Variants in FAR2 observed in about 807,000 individuals in gnomAD.
FAR2 encodes the protein epididymis secretory protein Li 81.
In FAR2, 19 loss-of-function variants were observed where a neutral mutation model predicts 56.0. That is an observed-to-expected ratio of 0.34 (90% CI 0.24 to 0.50). The LOEUF (loss-of-function observed/expected upper bound fraction) is 0.50. FAR2 is among the 20% of genes least tolerant of loss of function. The probability of loss-of-function intolerance (pLI) is 0.98; values close to 1 mark genes in which losing one functional copy is unlikely to be tolerated. For synonymous variants in FAR2, 219 were observed against 218.8 expected, an observed-to-expected ratio of 1.00 and a Z score of -0.01; for missense variants, 508 against 642.2, an observed-to-expected ratio of 0.79 and a Z score of 2.26.
At chr12:29,188,790 TC>T (rs1293574022) in intron 1 of FAR2, among the ~76,000 whole-genome samples, 6 of 151,940 alleles carry the variant, frequency 3.9e-5, no homozygotes, top group African/African-American at 1.2e-4. Flanking sequence ...TTTTTTTTTT[TC>T]ATGACCCTGA....
chr12:29,183,192 C>G (rs1310196509), intron 1 of FAR2, among the ~76,000 whole-genome samples: 1 of 152,114 alleles, frequency 6.6e-6, no homozygotes, highest in East Asian at 1.9e-4. Flanking sequence ...CCTGGTTTTC[C>G]TCCTACCTCT....
At chr12:29,228,043 A>C (rs1385247440) in intron 1 of FAR2, among the ~76,000 whole-genome samples, 1 of 151,978 alleles carries the variant, frequency 6.6e-6, no homozygotes, top group African/African-American at 2.4e-5. Context: ...ATGATGAGTT[A>C]ATGGGTGCAG....
intron 4 of FAR2, among the ~76,000 whole-genome samples, chr12:29,299,898 C>T (rs907533745): frequency 2.0e-5 from 3 of 152,348 alleles, no homozygotes; most frequent in East Asian, 1.9e-4. Context: ...GGCTTAGGCA[C>T]CCTTCCCAAG....
intron 9 of FAR2, among the ~76,000 whole-genome samples, chr12:29,319,872 ATTG>A (rs2136809055): frequency 1.3e-5 from 2 of 152,298 alleles, no homozygotes; most frequent in African/African-American, 4.8e-5. Flanking sequence ...TGAATCAATC[ATTG>A]TTTTCCTTCA....
chr12:29,259,042 G>C (rs952712106), intron 1 of FAR2, among the ~76,000 whole-genome samples: 1 of 152,228 alleles, frequency 6.6e-6, no homozygotes, highest in African/African-American at 2.4e-5. Context: ...AGGAGGTCAT[G>C]TTTGTACTTA....
chr12:29,179,309 A>G (rs1949969880), intron 1 of FAR2, among the ~76,000 whole-genome samples: 1 of 152,200 alleles, frequency 6.6e-6, no homozygotes, highest in South Asian at 2.1e-4. Flanking sequence ...ACATCATGGG[A>G]GGAGGAAAGA....
intron 2 of FAR2, among the ~76,000 whole-genome samples, chr12:29,287,198 A>G (rs1948891929): frequency 6.6e-6 from 1 of 152,218 alleles, no homozygotes; most frequent in Non-Finnish European, 1.5e-5. Context: ...CTTCAGGGTC[A>G]GGACATAGGT....
intron 2 of FAR2, among the ~76,000 whole-genome samples, chr12:29,285,577 AGG>A (rs1948860917): frequency 6.6e-6 from 1 of 152,204 alleles, no homozygotes; most frequent in Admixed American, 6.5e-5. Context: ...GAAGGAGGGA[AGG>A]AAGGAAGGAA....
At chr12:29,264,983 C>G (rs944550943) in intron 1 of FAR2, among the ~76,000 whole-genome samples, 1 of 152,048 alleles carries the variant, frequency 6.6e-6, no homozygotes, top group Admixed American at 6.6e-5. Flanking sequence ...TAAAAGATCT[C>G]TACAATAAAA....
chr12:29,199,194 T>C (rs959454211), intron 1 of FAR2, among the ~76,000 whole-genome samples: 6 of 152,186 alleles, frequency 3.9e-5, no homozygotes, highest in African/African-American at 1.2e-4. Context: ...AGCTCACATA[T>C]GCCATAGTGT....
intron 1 of FAR2, among the ~76,000 whole-genome samples, chr12:29,150,591 G>T (rs928651665): frequency 6.6e-6 from 1 of 152,124 alleles, no homozygotes; most frequent in Non-Finnish European, 1.5e-5. Flanking sequence ...TAGAAAGGGG[G>T]GCAAGGGACT....
intron 1 of FAR2, among the ~76,000 whole-genome samples, chr12:29,241,528 A>G (rs1234363788): frequency 6.6e-6 from 1 of 151,840 alleles, no homozygotes; most frequent in African/African-American, 2.4e-5. Flanking sequence ...CCTTCCTCTT[A>G]TCTCTCCAGC....
At chr12:29,235,910 G>C (rs1349114988) in intron 1 of FAR2, among the ~76,000 whole-genome samples, 1 of 152,080 alleles carries the variant, frequency 6.6e-6, no homozygotes, top group Non-Finnish European at 1.5e-5. Context: ...GGAGGAGGGG[G>C]GAAGAAATAA....
intron 1 of FAR2, among the ~76,000 whole-genome samples, chr12:29,186,164 G>A (rs545523954): frequency 2.0e-5 from 3 of 152,204 alleles, no homozygotes; most frequent in African/African-American, 7.2e-5. Flanking sequence ...AATTATTAAT[G>A]AGATATTTTT....
At chr12:29,301,287 A>AGTT (rs1949160575) in intron 4 of FAR2, among the ~76,000 whole-genome samples, 1 of 152,134 alleles carries the variant, frequency 6.6e-6, no homozygotes, top group Admixed American at 6.5e-5. Context: ...TTATATCTGT[A>AGTT]GTTGTCTTCT....
At chr12:29,271,453 A>T (rs1232076097) in intron 2 of FAR2, among the ~76,000 whole-genome samples, 1 of 152,214 alleles carries the variant, frequency 6.6e-6, no homozygotes, top group Admixed American at 6.5e-5. Flanking sequence ...AAATGTACAT[A>T]TGTTGTTCAT....
intron 1 of FAR2, among the ~76,000 whole-genome samples, chr12:29,216,510 A>AT (rs1436270380): frequency 6.6e-6 from 1 of 152,152 alleles, no homozygotes; most frequent in Non-Finnish European, 1.5e-5. Context: ...GATCTATGTC[A>AT]TTTTAAGCCT....
At chr12:29,167,014 T>C (rs931478947) in intron 1 of FAR2, among the ~76,000 whole-genome samples, 5 of 152,204 alleles carry the variant, frequency 3.3e-5, no homozygotes, top group Admixed American at 6.5e-5. Flanking sequence ...CTGCTTCTAT[T>C]CCTACCCTTT....
chr12:29,157,027 G>C (rs970425817), intron 1 of FAR2: 3 of 148,918 alleles, frequency 2.0e-5, no homozygotes. Context: ...TTTATAAAGA[G>C]GACTGGTTTC....
Sources: allele counts gnomAD v4.1 joint callset (sites outside exome capture counted in the v4.1 genomes callset), GRCh38; gene constraint gnomAD v4.1.1; transcripts MANE v1.5; gene names NCBI Gene and HGNC (gene_info 2026-07-23, HGNC 2026-07-21).